Variants in CUBN observed in about 807,000 individuals in gnomAD.
CUBN encodes cubilin.
CUBN carries 282 observed loss-of-function variants against 405.3 expected under a neutral mutation model. That is an observed-to-expected ratio of 0.70 (90% CI 0.63 to 0.77). The LOEUF (loss-of-function observed/expected upper bound fraction) is 0.77. CUBN is among the 30% of genes least tolerant of loss of function. The pLI is 0.00. For synonymous variants in CUBN, 1,684 were observed against 1,617.0 expected (o/e 1.04, Z -0.99); for missense variants, 4,514 against 4,475.2 (o/e 1.01, Z -0.25).
chr10:17,107,700 T>C (rs1836669882), intron 10 of CUBN, among the ~76,000 whole-genome samples: 1 of 152,044 alleles, frequency 6.6e-6, no homozygotes. Flanking sequence ...GGTTTCACCA[T>C]GTTGGCCAGG....
intron 48 of CUBN, among the ~76,000 whole-genome samples, chr10:16,913,175 T>G (rs958907744): frequency 6.6e-6 from 1 of 152,228 alleles, no homozygotes; most frequent in Non-Finnish European, 1.5e-5. Context: ...TAACAAACAC[T>G]GCAGAAGGGG....
chr10:16,858,862 A>G (rs1839937128), intron 59 of CUBN, among the ~76,000 whole-genome samples: 1 of 152,254 alleles, frequency 6.6e-6, no homozygotes, highest in African/African-American at 2.4e-5. Flanking sequence ...GTGCCAATGC[A>G]ATTCAATGAA....
intron 50 of CUBN, among the ~76,000 whole-genome samples, 195 bp from the exon 51 acceptor site, chr10:16,904,310 CA>C (rs1438507108): frequency 3.3e-5 from 5 of 152,138 alleles, no homozygotes; most frequent in African/African-American, 4.8e-5. Context: ...AAAACAAACA[CA>C]AAAAAATCAA....
intron 27 of CUBN, among the ~76,000 whole-genome samples, chr10:17,023,110 T>C (rs1834544488): frequency 6.6e-6 from 1 of 151,894 alleles, no homozygotes; most frequent in South Asian, 2.1e-4. Context: ...TTTTTTTTCC[T>C]TCCTTCTGGA....
At position 16,877,013 on chromosome 10, in the gene CUBN, G is replaced by C; in HGVS notation, c.8990C>G (p.Thr2997Ser). 6 of 1,614,092 alleles carry C rather than the reference G, an allele frequency of 3.7e-6. No homozygotes were observed. The highest frequency in any genetic ancestry group is 4.2e-6 in the Non-Finnish European group (5 of 1,179,946). The stretch of plus-strand genomic sequence containing the variant: ...AGCTGGCATCTCATCCCCACACACA[G>C]TAGCAAATGGGGTGGACATGACGCT... ...GYSVMSTPFA[T>S]VCGDEMPAPL... Residue 2997 changes from threonine to serine, a missense_variant, in exon 57 of 67, where the codon ACT becomes AGT. By Grantham distance (58) the Thr-to-Ser change is moderately conservative (BLOSUM62 1). Transcript: ENST00000377833.
At chr10:16,834,842 G>A (rs551637027) in intron 64 of CUBN, among the ~76,000 whole-genome samples, 172 bp downstream of exon 64, 6 of 152,050 alleles carry the variant, frequency 3.9e-5, no homozygotes, top group Admixed American at 2.6e-4. Flanking sequence ...CCCAATTTCC[G>A]GTGTTTGGAC....
In CUBN at chr10:17,065,697, T is replaced by C. The variant is rs1835600639; in HGVS notation, c.3009-59A>G. ...TTTTAGTTTGGTATACTGAAAATGA[T>C]GTAACAAAAATTTGGACATGTAAAT... On this transcript the variant is annotated intron_variant, in intron 21 of 66. Transcript: ENST00000377833. 4 of 1,603,144 alleles carry C rather than the reference T, an allele frequency of 2.5e-6. No homozygotes were observed. The East Asian group carries it at 6.7e-5, about 27-fold the overall frequency.
In CUBN at chr10:16,831,400, G is replaced by C; in HGVS notation, c.10380C>G (p.Asn3460Lys). 1 of 1,613,930 alleles carries C rather than the reference G, an allele frequency of 6.2e-7. No homozygotes were observed. The highest frequency in any genetic ancestry group is 1.1e-5 in the South Asian group (1 of 91,084). ...NDFLEVRNGS[N>K]SNSPLLGKYC... ...ACTTGCCCAGTAATGGTGAATTGCT[G>C]TTACTTCCATTTCTCACCTTTAGGA... The change falls in exon 65 of 67, where the codon AAC becomes AAG. Residue 3460 changes from asparagine to lysine, a missense_variant. Coordinates refer to ENST00000377833, the MANE Select transcript of CUBN (RefSeq NM_001081.4).
intron 6 of CUBN, among the ~76,000 whole-genome samples, chr10:17,119,414 C>G (rs1192536198): frequency 6.6e-6 from 1 of 152,178 alleles, no homozygotes; most frequent in Non-Finnish European, 1.5e-5. Context: ...AATCCCAGCA[C>G]TTTGGGTGGC....
intron 49 of CUBN, 152 bp downstream of exon 49, chr10:16,907,356 G>A (rs375309978): frequency 3.0e-5 from 23 of 772,992 alleles, no homozygotes; most frequent in East Asian, 5.4e-5. Context: ...TCTGCAGTGC[G>A]TTTTTCATCT....
At position 16,939,058 on chromosome 10, in the gene CUBN, A is replaced by G. The variant is rs1842590133; in HGVS notation, c.5638T>C (p.Trp1880Arg). ...TGAGATGCATTCACATTTACTGTCC[A>G]TTGGTAATTGGAGTTATGTGGGTAG... ...ENYPHNSNYQ[W>R]TVNVNASHVV... is the part of the protein sequence containing the mutation. Residue 1880 changes from tryptophan to arginine, a missense_variant, in exon 38 of 67, where the codon TGG (tryptophan) becomes CGG (arginine). This residue lies in a region of CUBN where 1,613 missense variants were observed against 1,542.8 expected (regional missense o/e 1.05). Coordinates refer to ENST00000377833, the MANE Select transcript of CUBN (RefSeq NM_001081.4). The G allele has an allele frequency of 1.9e-6, 3 of 1,613,696 alleles. No individual in the cohort carries two copies. The highest frequency in any genetic ancestry group is 2.5e-6 in the Non-Finnish European group (3 of 1,179,720).
chr10:16,960,193 A>T (rs1843176613), intron 31 of CUBN, among the ~76,000 whole-genome samples: 1 of 152,182 alleles, frequency 6.6e-6, no homozygotes, highest in African/African-American at 2.4e-5. Flanking sequence ...TAACACACAT[A>T]TTCAAAATAC....
chr10:17,127,283 T>TTC (rs1491345936), intron 3 of CUBN, among the ~76,000 whole-genome samples: 2 of 148,260 alleles, frequency 1.3e-5, no homozygotes, highest in Non-Finnish European at 3.0e-5. Context: ...TTTTTTTTTT[T>TTC]CTGGCAAGGT....
At chr10:16,878,490 C>T (rs930350346) in intron 56 of CUBN, among the ~76,000 whole-genome samples, 1 of 152,140 alleles carries the variant, frequency 6.6e-6, no homozygotes, top group Non-Finnish European at 1.5e-5. Context: ...CATTCCTGTA[C>T]ATAAATATTT....
At chr10:17,065,003 T>G (rs1181982244) in intron 22 of CUBN, among the ~76,000 whole-genome samples, 1 of 152,184 alleles carries the variant, frequency 6.6e-6, no homozygotes, top group Non-Finnish European at 1.5e-5. Flanking sequence ...GTATTCAGTC[T>G]CTTTGGTAAC....
intron 29 of CUBN, among the ~76,000 whole-genome samples, chr10:16,988,604 T>G (rs1433715926): frequency 1.3e-5 from 2 of 152,208 alleles, no homozygotes; most frequent in Non-Finnish European, 2.9e-5. Context: ...TTACTAAAAG[T>G]GATGAATTAC....
chr10:17,096,066 T>G lies in CUBN; in HGVS notation c.1765+3939A>C, dbSNP rs1588639147. 2.0e-5 allele frequency among the ~76,000 whole-genome samples: 3 copies of G among 152,134 alleles called. No homozygotes were observed. The South Asian group carries it at 6.2e-4, about 32-fold the overall frequency. On this transcript the variant is annotated intron_variant, in intron 14 of 66. Transcript: ENST00000377833. ...CAAACACTGCATGCTCTCGCTTATATGTGAAATCTAAAAAAAGTTAAACTC... is the reference window on the plus strand; with the variant it reads ...CAAACACTGCATGCTCTCGCTTATAGGTGAAATCTAAAAAAAGTTAAACTC...
At chr10:16,949,465 AGT>A (rs1403292425) in intron 34 of CUBN, among the ~76,000 whole-genome samples, 3 of 64,776 alleles carry the variant, frequency 4.6e-5, no homozygotes, top group Non-Finnish European at 1.7e-4. Flanking sequence ...GTGTGTGTGT[AGT>A]GTGTGTGTGT....
At chr10:16,947,208 A>G in intron 36 of CUBN, 27 bp downstream of exon 36, 1 of 1,613,174 alleles carries the variant, frequency 6.2e-7, no homozygotes, top group Non-Finnish European at 8.5e-7. Flanking sequence ...TTAGCACTGA[A>G]ACAATACACC....
Sources: allele counts gnomAD v4.1 joint callset (sites outside exome capture counted in the v4.1 genomes callset), GRCh38; gene constraint gnomAD v4.1.1; regional missense constraint gnomAD v4.1.1; transcripts MANE v1.5; gene names NCBI Gene and HGNC (gene_info 2026-07-23, HGNC 2026-07-21).